DAGLA: variants seen among roughly 807,000 people sequenced by gnomAD.
DAGLA encodes the protein diacylglycerol lipase-alpha.
A neutral mutation model predicts 102.6 loss-of-function variants in DAGLA; 22 were observed. The ratio of observed to expected loss-of-function variants is 0.21; its 90% CI spans 0.15 to 0.31. The LOEUF (loss-of-function observed/expected upper bound fraction) is 0.31. Ranked by LOEUF, DAGLA falls within the 10% of genes least tolerant of loss-of-function variation. The probability of loss-of-function intolerance (pLI) is 1.00; values close to 1 mark genes in which losing one functional copy is unlikely to be tolerated. For synonymous variants in DAGLA, 578 were observed against 628.9 expected (o/e 0.92, Z 1.21); for missense variants, 927 against 1,446.6 (o/e 0.64, Z 5.83).
intron 2 of DAGLA, 62 bp from the exon 3 acceptor site, chr11:61,720,617 C>A: frequency 6.6e-7 from 1 of 1,510,220 alleles, no homozygotes; most frequent in Non-Finnish European, 9.2e-7. Flanking sequence ...GGCCTGCCTG[C>A]TAGTAGCATC....
At chr11:61,706,692 G>A (rs1258457338) in intron 1 of DAGLA, among the ~76,000 whole-genome samples, 2 of 152,214 alleles carry the variant, frequency 1.3e-5, no homozygotes, top group Non-Finnish European at 2.9e-5. Context: ...GAGCTGTGAC[G>A]CAGGCTGACC....
chr11:61,743,635 C>T lies in DAGLA; in HGVS notation c.2275C>T (p.Leu759=). The T allele has an allele frequency of 6.3e-7, 1 of 1,597,570 alleles. No homozygotes were observed. The highest frequency in any genetic ancestry group is 8.5e-7 in the Non-Finnish European group (1 of 1,175,820). ...AARQDPVELL[L]LSTQERLAAE... ...CCGCCAGGACCCGGTGGAGCTGCTG[C>T]TGCTGTCTACCCAGGAGCGGCTGGC... The change falls in exon 20 of 20, where the codon CTG becomes TTG. Residue 759 remains leucine (L), a synonymous_variant. Coordinates refer to ENST00000257215, the MANE Select transcript of DAGLA (RefSeq NM_006133.3).
rs546263803 is a variant in DAGLA, at chr11:61,728,448, C to T, written c.771+161C>T. ...GAGGTCACCTTTACCTCTGGCTCCC[C>T]CTGCCTTCCTGAGCTTGTCCTTCGG... On this transcript the variant is annotated intron_variant, in intron 7 of 19. Coordinates refer to ENST00000257215, the MANE Select transcript of DAGLA (RefSeq NM_006133.3). Among the ~76,000 whole-genome samples, 5 of 152,322 alleles carry T rather than the reference C, an allele frequency of 3.3e-5. No homozygotes were observed. The South Asian group carries it at 1.0e-3, about 32-fold the overall frequency.
intron 5 of DAGLA, among the ~76,000 whole-genome samples, chr11:61,724,737 G>A (rs1309935157): frequency 2.0e-5 from 3 of 152,138 alleles, no homozygotes; most frequent in Admixed American, 6.5e-5. Context: ...TTCCCTCCCA[G>A]CCCAGCTGGC....
chr11:61,712,749 C>T (rs945585557), intron 1 of DAGLA, among the ~76,000 whole-genome samples: 4 of 152,192 alleles, frequency 2.6e-5, no homozygotes, highest in African/African-American at 9.7e-5. Flanking sequence ...TTTCAGAGGC[C>T]AGCCTCTCGG....
At chr11:61,694,828 G>T (rs1178544489) in intron 1 of DAGLA, among the ~76,000 whole-genome samples, 1 of 152,012 alleles carries the variant, frequency 6.6e-6, no homozygotes, top group African/African-American at 2.4e-5. Context: ...TGGGTTTCTG[G>T]ATCGCTCGCA....
At chr11:61,722,461 G>T (rs198427) in intron 3 of DAGLA, among the ~76,000 whole-genome samples, 1 of 151,934 alleles carries the variant, frequency 6.6e-6, no homozygotes, top group Non-Finnish European at 1.5e-5. Flanking sequence ...TGGTGGGTGC[G>T]TGTAATCCCA....
At position 61,717,403 on chromosome 11, in the gene DAGLA, G is replaced by A. The variant is rs183269160; in HGVS notation, c.-44-2709G>A. Among the ~76,000 whole-genome samples, 9 of 151,980 alleles carry A rather than the reference G, an allele frequency of 5.9e-5. No individual in the cohort carries two copies. The East Asian group carries it at 1.4e-3, about 23-fold the overall frequency. On this transcript the variant is annotated intron_variant, in intron 1 of 19. Transcript: ENST00000257215. ...GACCTTGACTTGTTGGTGACCAGCC[G>A]GAGATTCCACCAGCCCAGGCGGGAG...
intron 1 of DAGLA, among the ~76,000 whole-genome samples, chr11:61,716,787 G>A (rs1304115214): frequency 6.6e-6 from 1 of 152,208 alleles, no homozygotes; most frequent in Non-Finnish European, 1.5e-5. Context: ...TTTAGAAAGA[G>A]GAACTCCCAG....
At chr11:61,723,047 T>G in intron 4 of DAGLA, 87 bp downstream of exon 4, 1 of 1,131,480 alleles carries the variant, frequency 8.8e-7, no homozygotes, top group Non-Finnish European at 1.3e-6. Flanking sequence ...AGCTTGGGCA[T>G]TGCCAGAGGG....
At chr11:61,690,418 G>A (rs940592243) in intron 1 of DAGLA, among the ~76,000 whole-genome samples, 4 of 152,192 alleles carry the variant, frequency 2.6e-5, no homozygotes, top group African/African-American at 9.7e-5. Flanking sequence ...GGCATAAGCG[G>A]ACACTACCAC....
chr11:61,720,363 C>A, intron 2 of DAGLA, 113 bp downstream of exon 2: 1 of 1,019,588 alleles, frequency 9.8e-7, no homozygotes, highest in Non-Finnish European at 1.5e-6. Context: ...CCCTGTCATG[C>A]CCCCAGCTGC....
intron 1 of DAGLA, among the ~76,000 whole-genome samples, chr11:61,697,969 G>A (rs1031725948): frequency 4.6e-5 from 7 of 152,232 alleles, no homozygotes; most frequent in African/African-American, 1.4e-4. Context: ...GGGGCAAAGT[G>A]AGATAATGAC....
intron 1 of DAGLA, among the ~76,000 whole-genome samples, chr11:61,702,168 TGGGATTACA>T (rs1159136277): frequency 6.6e-6 from 1 of 152,196 alleles, no homozygotes; most frequent in African/African-American, 2.4e-5. Context: ...CCCAAAGCAT[TGGGATTACA>T]GGTGTGAGCC....
chr11:61,694,335 C>T (rs2065047132), intron 1 of DAGLA, among the ~76,000 whole-genome samples: 7 of 152,198 alleles, frequency 4.6e-5, no homozygotes, highest in Admixed American at 4.6e-4. Flanking sequence ...AGTGAGTTTG[C>T]GCGTAAATGG....
rs1430051049 is a variant in DAGLA at position 61,739,598 on chromosome 11, C to T, written c.1790C>T (p.Thr597Ile). Reference sequence around the variant, plus strand: ...CTAACTATAGCCCTCTCAGCCAGCACTCCACTCTACCCGCCCGGCCGCATC... The same window carrying T: ...CTAACTATAGCCCTCTCAGCCAGCATTCCACTCTACCCGCCCGGCCGCATC... ...SDLTIALSASTPLYPPGRIIH... is the reference protein window; with the variant it reads ...SDLTIALSASIPLYPPGRIIH... The change falls in exon 17 of 20, where the codon ACT becomes ATT. Residue 597 changes from threonine (T) to isoleucine (I), a missense_variant. Transcript: ENST00000257215. 2 of 1,614,016 alleles carry T rather than the reference C, an allele frequency of 1.2e-6. No individual in the cohort carries two copies. Among genetic ancestry groups the T allele is most frequent in the Non-Finnish European group, 1.7e-6 (2 of 1,180,030 alleles).
intron 1 of DAGLA, among the ~76,000 whole-genome samples, chr11:61,709,993 G>A (rs2065180710): frequency 6.6e-6 from 1 of 152,194 alleles, no homozygotes; most frequent in South Asian, 2.1e-4. Flanking sequence ...AGAGGAGGCA[G>A]CAGGACCAGG....
chr11:61,743,832 C>A lies in DAGLA; in HGVS notation c.2472C>A (p.Asp824Glu). ...ERDEGHLFYI[D>E]PAIPEENPSL... ...ATGAAGGCCACCTCTTCTACATTGA[C>A]CCTGCCATCCCCGAGGAAAACCCAT... Residue 824 changes from aspartate (D) to glutamate (E), a missense_variant, in exon 20 of 20, where the codon GAC becomes GAA. This residue lies in a region of DAGLA where 434 missense variants were observed against 503.3 expected (regional missense o/e 0.86). Coordinates refer to ENST00000257215, the MANE Select transcript of DAGLA (RefSeq NM_006133.3). 6.2e-7 allele frequency: 1 copy of A among 1,612,558 alleles called. No homozygotes were observed. The highest frequency in any genetic ancestry group is 8.5e-7 in the Non-Finnish European group (1 of 1,179,930).
rs772165298 is a variant in DAGLA at position 61,744,332 on chromosome 11, C to T, written c.2972C>T (p.Ser991Phe). The T allele has an allele frequency of 2.5e-6, 4 of 1,612,552 alleles. No homozygotes were observed. The highest frequency in any genetic ancestry group is 3.4e-6 in the Non-Finnish European group (4 of 1,179,722). ...DPSSGISLSPSFPLSSSGELM... is the reference protein window; with the variant it reads ...DPSSGISLSPFFPLSSSGELM... ...TCCTCGGGCATCTCACTCTCGCCCT[C>T]CTTCCCGCTCAGCTCCTCGGGTGAG... The change falls in exon 20 of 20, where the codon TCC becomes TTC. Residue 991 changes from serine (S) to phenylalanine (F), a missense_variant. Physicochemically the swap from Ser to Phe is radical, Grantham distance 155. This residue lies in a region of DAGLA where 434 missense variants were observed against 503.3 expected (regional missense o/e 0.86). Transcript: ENST00000257215.
Sources: allele counts gnomAD v4.1 joint callset (sites outside exome capture counted in the v4.1 genomes callset), GRCh38; gene constraint gnomAD v4.1.1; regional missense constraint gnomAD v4.1.1; transcripts MANE v1.5; gene names NCBI Gene and HGNC (gene_info 2026-07-23, HGNC 2026-07-21).